KIF16B: variants seen among roughly 807,000 people sequenced by gnomAD.
KIF16B encodes the protein kinesin family member 16B.
KIF16B carries 98 observed loss-of-function variants against 156.3 expected under a neutral mutation model. That is an observed-to-expected ratio of 0.63 (90% CI 0.53 to 0.74). KIF16B has a LOEUF of 0.74. Ranked by LOEUF, KIF16B falls within the 30% of genes least tolerant of loss-of-function variation. The pLI, the probability that KIF16B is intolerant of heterozygous loss-of-function variation, is 0.00. For synonymous variants in KIF16B, 564 were observed against 583.7 expected, an observed-to-expected ratio of 0.97 and a Z score of 0.49; for missense variants, 1,421 against 1,606.5, an observed-to-expected ratio of 0.88 and a Z score of 1.97.
intron 12 of KIF16B, among the ~76,000 whole-genome samples, chr20:16,456,444 C>G (rs1396472555): frequency 6.6e-6 from 1 of 151,012 alleles, no homozygotes; most frequent in Admixed American, 6.6e-5. Context: ...AATTAAGATA[C>G]ACACACACAC....
chr20:16,428,989 C>A lies in KIF16B; in HGVS notation c.1438G>T (p.Val480Phe), dbSNP rs1033059422. Residue 480 changes from valine (V) to phenylalanine (F), a missense_variant, in exon 14 of 26, where the codon GTT becomes TTT. Transcript: ENST00000354981. ...TCCGTGGAAGCATCGTCTCTACCAA[C>A]GTATGTCTGACCTTCCTGGGAAGAA... is the stretch of plus-strand genomic sequence containing the variant. ...LYHLKEGQTY[V>F]GRDDASTEQD... is the part of the protein sequence containing the mutation. 1.2e-6 allele frequency: 2 copies of A among 1,613,054 alleles called. No individual in the cohort carries two copies. Among genetic ancestry groups the A allele is most frequent in the African/African-American group, 2.7e-5 (2 of 74,872 alleles).
At chr20:16,520,126 GTT>G (rs201085118) in intron 3 of KIF16B, among the ~76,000 whole-genome samples, 17,833 of 145,230 alleles carry the variant, frequency 0.12, 1,341 homozygotes, top group Non-Finnish European at 0.18. Context: ...AGCTGCAGGA[GTT>G]TTTTTTTTTT....
rs763949105 is a variant in KIF16B at position 16,367,832 on chromosome 20, G to C, written c.3498+2754C>G. Reference sequence around the variant, plus strand: ...CACAGGAGGTCACGACACAGCTGTTGAGAGAGGTATTTGTTGTAACTGAAT... The same window carrying C: ...CACAGGAGGTCACGACACAGCTGTTCAGAGAGGTATTTGTTGTAACTGAAT... On this transcript the variant is annotated intron_variant, in intron 22 of 25. Transcript: ENST00000354981. 8.1e-6 allele frequency: 13 copies of C among 1,608,566 alleles called. No individual in the cohort carries two copies. The East Asian group carries it at 2.2e-4, about 28-fold the overall frequency.
At chr20:16,440,545 AC>A (rs2066768914) in intron 12 of KIF16B, among the ~76,000 whole-genome samples, 1 of 84,040 alleles carries the variant, frequency 1.2e-5, no homozygotes, top group African/African-American at 5.6e-5. Flanking sequence ...ACACACACAC[AC>A]ACACACACAC....
chr20:16,280,090 C>T (rs1428911059), intron 25 of KIF16B, among the ~76,000 whole-genome samples: 1 of 152,192 alleles, frequency 6.6e-6, no homozygotes, highest in Non-Finnish European at 1.5e-5. Context: ...TCAGTCTGAG[C>T]TCTGCCTGAA....
At chr20:16,410,018 C>T (rs1282404495) in intron 15 of KIF16B, among the ~76,000 whole-genome samples, 5 of 55,226 alleles carry the variant, frequency 9.1e-5, no homozygotes, top group East Asian at 9.7e-4. Context: ...TATGTAGGTA[C>T]ATATATATAT....
intron 1 of KIF16B, among the ~76,000 whole-genome samples, chr20:16,571,217 T>C (rs1289460316): frequency 1.3e-5 from 2 of 152,184 alleles, no homozygotes; most frequent in Non-Finnish European, 2.9e-5. Flanking sequence ...TTCCCCCTTC[T>C]TCCCATCCAG....
At chr20:16,491,772 G>A (rs954464474) in intron 12 of KIF16B, among the ~76,000 whole-genome samples, 1 of 152,192 alleles carries the variant, frequency 6.6e-6, no homozygotes, top group African/African-American at 2.4e-5. Context: ...CCTGCTGTCA[G>A]AGCTCACACC....
Position 16,505,856 on chromosome 20 carries a change from A to G in KIF16B, c.869-3T>C. The G allele has an allele frequency of 1.2e-6, 2 of 1,613,634 alleles. No individual in the cohort carries two copies. The highest frequency in any genetic ancestry group is 1.7e-6 in the Non-Finnish European group (2 of 1,179,860). Reference sequence around the variant, plus strand: ...TGCAGCATCCTGAGATAAATCAGCTATGAAAAGGAAGAAACAAAGGGGAGA... The same window carrying G: ...TGCAGCATCCTGAGATAAATCAGCTGTGAAAAGGAAGAAACAAAGGGGAGA... On this transcript the variant is annotated splice_polypyrimidine_tract_variant and splice_region_variant and intron_variant, in intron 8 of 25. Coordinates refer to ENST00000354981, the MANE Select transcript of KIF16B (RefSeq NM_024704.5).
At chr20:16,359,923 T>C (rs1352484549) in intron 22 of KIF16B, among the ~76,000 whole-genome samples, 1 of 152,176 alleles carries the variant, frequency 6.6e-6, no homozygotes, top group Admixed American at 6.5e-5. Context: ...TTACATATCA[T>C]ACTGGGGATG....
chr20:16,452,706 G>A lies in KIF16B; in HGVS notation c.1303-22724C>T, dbSNP rs542248706. On this transcript the variant is annotated intron_variant, in intron 12 of 25. Transcript: ENST00000354981. The stretch of plus-strand genomic sequence containing the variant: ...AAAAATTAGCTGGGCGTGGTGGTGG[G>A]TGCCTGTAGTCCCAGCTACTCAGGA... 5.9e-5 allele frequency among the ~76,000 whole-genome samples: 9 copies of A among 152,130 alleles called. No homozygotes were observed. In the East Asian group the frequency reaches 1.7e-3, roughly 30 times the overall value.
At chr20:16,317,787 T>G (rs2122759417) in intron 24 of KIF16B, among the ~76,000 whole-genome samples, 1 of 152,324 alleles carries the variant, frequency 6.6e-6, no homozygotes, top group Non-Finnish European at 1.5e-5. Context: ...CCTGCCACCC[T>G]CACCCTCACC....
chr20:16,300,870 G>C (rs1568829867), intron 25 of KIF16B, among the ~76,000 whole-genome samples: 1 of 151,860 alleles, frequency 6.6e-6, no homozygotes, highest in Admixed American at 6.6e-5. Flanking sequence ...CTTACATTAG[G>C]GTTCACTCTT....
At chr20:16,302,498 G>T (rs2063486998) in intron 25 of KIF16B, among the ~76,000 whole-genome samples, 1 of 152,112 alleles carries the variant, frequency 6.6e-6, no homozygotes, top group African/African-American at 2.4e-5. Context: ...GTACAACGCT[G>T]TCTTGATTAC....
chr20:16,393,222 G>T lies in KIF16B; in HGVS notation c.1785-11475C>A, dbSNP rs146496949. On this transcript the variant is annotated intron_variant, in intron 17 of 25. Coordinates refer to ENST00000354981, the MANE Select transcript of KIF16B (RefSeq NM_024704.5). Reference sequence around the variant, plus strand: ...TATAAACCAATCATGTTTTCTTGGTGAAAAGATTATGAATACTTGTGATTA... The same window carrying T: ...TATAAACCAATCATGTTTTCTTGGTTAAAAGATTATGAATACTTGTGATTA... 1.1e-3 allele frequency among the ~76,000 whole-genome samples: 174 copies of T among 152,190 alleles called. 2 individuals carry two copies. Among genetic ancestry groups the T allele is most frequent in the Non-Finnish European group, 1.3e-4 (9 of 68,004 alleles).
rs188134774 is a variant in KIF16B, at chr20:16,326,174, A to T, written c.3711+9752T>A. On this transcript the variant is annotated intron_variant, in intron 24 of 25. Coordinates refer to ENST00000354981, the MANE Select transcript of KIF16B (RefSeq NM_024704.5). ...CAGGATGAATCAAAGACTTAAATAG[A>T]AGACCTGAAACCATAAAAATTCTAG... is the stretch of plus-strand genomic sequence containing the variant. Among the ~76,000 whole-genome samples, 740 of 152,186 alleles carry T rather than the reference A, an allele frequency of 4.9e-3. 2 individuals carry two copies. The highest frequency in any genetic ancestry group is 0.01 in the Admixed American group (157 of 15,284).
Position 16,505,781 on chromosome 20 carries a change from A to C in KIF16B, c.941T>G (p.Val314Gly). ...KQVFVPYRDS[V>G]LTWLLKDSLG... ...GCTATCTTTTAACAACCAAGTCAAC[A>C]CAGAATCCCTGTAAGGCACGAAAAC... is the stretch of plus-strand genomic sequence containing the variant. The change falls in exon 9 of 26, where the codon GTG (valine) becomes GGG (glycine). Residue 314 changes from valine to glycine, a missense_variant. Physicochemically the swap from Val to Gly is moderately radical, Grantham distance 109. Transcript: ENST00000354981. 1 of 1,613,914 alleles carries C rather than the reference A, an allele frequency of 6.2e-7. No homozygotes were observed. Among genetic ancestry groups the C allele is most frequent in the Admixed American group, 1.7e-5 (1 of 60,016 alleles).
intron 23 of KIF16B, among the ~76,000 whole-genome samples, chr20:16,345,966 G>T (rs2064226026): frequency 6.6e-6 from 1 of 152,246 alleles, no homozygotes; most frequent in Non-Finnish European, 1.5e-5. Flanking sequence ...CTTCTGGGGA[G>T]CCCAAAGGAG....
At chr20:16,508,151 T>A (rs2068845407) in intron 6 of KIF16B, 51 bp from the exon 7 acceptor site, 1 of 1,590,688 alleles carries the variant, frequency 6.3e-7, no homozygotes, top group Non-Finnish European at 8.6e-7. Context: ...ATATAGGAAA[T>A]GGAATACAAA....
Sources: gnomAD v4.1 joint callset for allele counts (sites outside exome capture counted in the v4.1 genomes callset) on GRCh38, gnomAD v4.1.1 for gene constraint, MANE v1.5 for transcripts, NCBI Gene and HGNC (gene_info 2026-07-23, HGNC 2026-07-21) for gene names.